The following GOLGA3 variants were observed in gnomAD, a reference collection of about 807,000 sequenced individuals.
The protein encoded by GOLGA3 is golgin subfamily A member 3.
A neutral mutation model predicts 169.4 loss-of-function variants in GOLGA3; 75 were observed. The observed-to-expected ratio is 0.44, with a 90% CI of 0.37 to 0.54. The LOEUF (loss-of-function observed/expected upper bound fraction) is 0.54. GOLGA3 is among the 20% of genes least tolerant of loss of function. The pLI is 0.00. For synonymous variants in GOLGA3, 824 were observed against 822.4 expected (o/e 1.00, Z -0.03); for missense variants, 1,899 against 1,930.0 (o/e 0.98, Z 0.30).
At position 132,786,775 on chromosome 12, in the gene GOLGA3, C is replaced by G; in HGVS notation, c.2824G>C (p.Asp942His). Residue 942 changes from aspartate (D) to histidine (H), a missense_variant, in exon 14 of 24, where the codon GAT becomes CAT. By Grantham distance (81) the Asp-to-His change is moderately conservative. Transcript: ENST00000450791. The stretch of plus-strand genomic sequence containing the variant: ...GTGACCGCGACCATCTGCTCCTTAT[C>G]GAACTGCAACGACTGTGGAAGGGAA... ...METHLQSLQF[D>H]KEQMVAVTEA... 6.2e-7 allele frequency: 1 copy of G among 1,611,502 alleles called. No homozygotes were observed. The highest frequency in any genetic ancestry group is 8.5e-7 in the Non-Finnish European group (1 of 1,177,736).
At chr12:132,809,228 C>T (rs1357325242) in intron 4 of GOLGA3, among the ~76,000 whole-genome samples, 1 of 152,182 alleles carries the variant, frequency 6.6e-6, no homozygotes, top group African/African-American at 2.4e-5. Context: ...TTTACTACTG[C>T]TGTCTAGAAG....
Position 132,804,659 on chromosome 12 carries a change from G to A in GOLGA3, c.1597+57C>T. 7.1e-7 allele frequency: 1 copy of A among 1,417,808 alleles called. No homozygotes were observed. Among genetic ancestry groups the A allele is most frequent in the South Asian group, 1.2e-5 (1 of 80,308 alleles). 87.8% of individuals were successfully genotyped at this position (1,417,808 alleles called of 1,614,324 possible). A position where few individuals can be genotyped will look rare whatever the true frequency, so the allele number is the denominator to read the frequency against. ...GTGGCGGGGGCCAGTCGAGGAAGGA[G>A]GAGGGAGCAGCAGGGACCAGTCAGG... On this transcript the variant is annotated intron_variant, in intron 7 of 23. Coordinates refer to ENST00000450791, the MANE Select transcript of GOLGA3 (RefSeq NM_001389683.1). This position sits in a 1 kb window ranked among gnomAD's most constrained non-coding sequence, Gnocchi z 4.1.
intron 10 of GOLGA3, 54 bp from the exon 11 acceptor site, chr12:132,796,274 A>G: frequency 6.5e-7 from 1 of 1,526,886 alleles, no homozygotes; most frequent in Admixed American, 2.0e-5. Context: ...CCGAGAGCGT[A>G]TGCCCTTTTC....
intron 16 of GOLGA3, 21 bp downstream of exon 16, chr12:132,784,143 C>G: frequency 6.2e-7 from 1 of 1,604,410 alleles, no homozygotes; most frequent in Admixed American, 1.7e-5. Context: ...GCTGCCGCCA[C>G]AGCAGATGGC....
chr12:132,817,488 T>A (rs111306587), intron 2 of GOLGA3, among the ~76,000 whole-genome samples: 39 of 20,516 alleles, frequency 1.9e-3, no homozygotes, highest in African/African-American at 2.0e-3. Flanking sequence ...CGCCCTCCAC[T>A]CCTCCACGCT....
chr12:132,799,008 G>A (rs1490961962), intron 8 of GOLGA3, among the ~76,000 whole-genome samples: 2 of 152,244 alleles, frequency 1.3e-5, no homozygotes, highest in Non-Finnish European at 1.5e-5. Flanking sequence ...ATGGCCCTGA[G>A]GAGGACGGCG....
chr12:132,822,913 C>A (rs1950276777), intron 1 of GOLGA3, among the ~76,000 whole-genome samples: 1 of 152,134 alleles, frequency 6.6e-6, no homozygotes. Context: ...CAGAGGGAGA[C>A]CCCATCTCAA....
In GOLGA3 at chr12:132,802,013, C is replaced by T. The variant is rs375779385; in HGVS notation, c.1598-44G>A. 2.4e-5 allele frequency: 36 copies of T among 1,513,450 alleles called. No individual in the cohort carries two copies. In the African/African-American group the frequency reaches 3.4e-4, roughly 14 times the overall value. 93.8% of individuals were successfully genotyped at this position (1,513,450 alleles called of 1,614,324 possible). A position where few individuals can be genotyped will look rare whatever the true frequency, so the allele number is the denominator to read the frequency against. On this transcript the variant is annotated intron_variant, in intron 7 of 23. Transcript: ENST00000450791. ...AGCGGCTCAGGCCAGCGACGGCCAA[C>T]GGGGGAGTCCGCAGCTCCGCGCGTG... is the stretch of plus-strand genomic sequence containing the variant.
At chr12:132,806,894 A>G (rs1011007100) in intron 6 of GOLGA3, among the ~76,000 whole-genome samples, 1 of 152,200 alleles carries the variant, frequency 6.6e-6, no homozygotes, top group Non-Finnish European at 1.5e-5. Context: ...GCAACCCACC[A>G]AGAGAATTTG....
chr12:132,798,523 A>G, intron 8 of GOLGA3, 46 bp from the exon 9 acceptor site: 1 of 1,568,184 alleles, frequency 6.4e-7, no homozygotes, highest in Non-Finnish European at 8.6e-7. Context: ...AATTTCAAGC[A>G]AGAAATGCAG....
intron 5 of GOLGA3, among the ~76,000 whole-genome samples, 179 bp downstream of exon 5, chr12:132,807,712 G>A (rs12313507): frequency 0.03 from 4,623 of 152,130 alleles, 101 homozygotes; most frequent in South Asian, 0.1. Flanking sequence ...CCGTGGGCCC[G>A]GGAAGCAACA....
chr12:132,820,694 A>G (rs898230051), intron 2 of GOLGA3, among the ~76,000 whole-genome samples: 1 of 152,194 alleles, frequency 6.6e-6, no homozygotes, highest in African/African-American at 2.4e-5. Flanking sequence ...TTTCCCTCTG[A>G]CACGTGAATA....
rs1491524774 is a variant in GOLGA3, at chr12:132,812,230, T to TA, written c.519+1076_519+1077insT. 8.2e-3 allele frequency among the ~76,000 whole-genome samples: 652 copies of TA among 79,888 alleles called. 2 individuals carry two copies. The highest frequency in any genetic ancestry group is 0.019 in the African/African-American group (616 of 31,822). 52.4% of individuals were successfully genotyped at this position (79,888 alleles called of 152,430 possible). ...ACACACACATATATATATATATATATTTTTTTTAACTGCTCATTGACAATA... is the reference window on the plus strand; with the variant it reads ...ACACACACATATATATATATATATATATTTTTTTAACTGCTCATTGACAATA... On this transcript the variant is annotated intron_variant, in intron 4 of 23. Coordinates refer to ENST00000450791, the MANE Select transcript of GOLGA3 (RefSeq NM_001389683.1).
At chr12:132,785,204 C>T (rs2045833080) in intron 15 of GOLGA3, among the ~76,000 whole-genome samples, 1 of 152,208 alleles carries the variant, frequency 6.6e-6, no homozygotes, top group Non-Finnish European at 1.5e-5. Flanking sequence ...CTCTGCCCGG[C>T]CTTTGCGACC....
chr12:132,820,311 C>T (rs1308996160), intron 2 of GOLGA3, among the ~76,000 whole-genome samples: 2 of 152,206 alleles, frequency 1.3e-5, no homozygotes, highest in Non-Finnish European at 2.9e-5. Context: ...TGCACTTCAG[C>T]CTGCTCAATG....
chr12:132,820,990 C>T (rs1267798787), intron 2 of GOLGA3, among the ~76,000 whole-genome samples: 2 of 148,514 alleles, frequency 1.3e-5, no homozygotes, highest in African/African-American at 5.0e-5. Context: ...GTCCCAGCTA[C>T]TCGGGAGGCT....
At position 132,801,894 on chromosome 12, in the gene GOLGA3, G is replaced by A. The variant is rs763151286; in HGVS notation, c.1673C>T (p.Thr558Ile). The change falls in exon 8 of 24, where the codon ACC (threonine) becomes ATC (isoleucine). Residue 558 changes from threonine (T) to isoleucine (I), a missense_variant. Coordinates refer to ENST00000450791, the MANE Select transcript of GOLGA3 (RefSeq NM_001389683.1). ...CGCCTGCGACGCCTTCAGCTTGCTGGTCAGCGTCGTCCGCTCCAGCTGCAC... is the reference window on the plus strand; with the variant it reads ...CGCCTGCGACGCCTTCAGCTTGCTGATCAGCGTCGTCCGCTCCAGCTGCAC... ...QQVQLERTTL[T>I]SKLKASQAEI... 5 of 1,603,250 alleles carry A rather than the reference G, an allele frequency of 3.1e-6. No homozygotes were observed. The East Asian group carries it at 6.7e-5, about 21-fold the overall frequency.
In GOLGA3 at chr12:132,775,213, C is replaced by G. The variant is rs748411104; in HGVS notation, c.4071G>C (p.Lys1357Asn). Residue 1357 changes from lysine to asparagine, a missense_variant, in exon 22 of 24, where the codon AAG (lysine) becomes AAC (asparagine). Lys to Asn is a moderately conservative substitution (Grantham distance 94, BLOSUM62 0). Coordinates refer to ENST00000450791, the MANE Select transcript of GOLGA3 (RefSeq NM_001389683.1). ...FMLQAKVSEL[K>N]NNMKTLLQQN... ...GCTGGAGCAGGGTCTTCATGTTGTT[C>G]TTCAGCTCCGACACTTTTGCCTGGA... 1.2e-6 allele frequency: 2 copies of G among 1,614,188 alleles called. No individual in the cohort carries two copies. The highest frequency in any genetic ancestry group is 1.7e-6 in the Non-Finnish European group (2 of 1,179,988).
chr12:132,801,331 C>CA (rs904473011), intron 8 of GOLGA3, among the ~76,000 whole-genome samples: 1 of 152,202 alleles, frequency 6.6e-6, no homozygotes, highest in Non-Finnish European at 1.5e-5. Flanking sequence ...AAGAGAACCC[C>CA]ACTGGCACCG....
Sources: gnomAD v4.1 joint callset for allele counts (sites outside exome capture counted in the v4.1 genomes callset) on GRCh38, gnomAD v4.1.1 for gene constraint, Gnocchi (gnomAD v3.1) non-coding constraint, MANE v1.5 for transcripts, NCBI Gene and HGNC (gene_info 2026-07-23, HGNC 2026-07-21) for gene names.